ZC3H15: variants seen among roughly 807,000 people sequenced by gnomAD.
ZC3H15 encodes the protein zinc finger CCCH domain-containing protein 15.
ZC3H15 carries 15 observed loss-of-function variants against 51.2 expected under a neutral mutation model. The ratio of observed to expected loss-of-function variants is 0.29; its 90% CI spans 0.20 to 0.45. The LOEUF is 0.45. Among genes scored for constraint, ZC3H15 ranks in the 20% least tolerant of loss-of-function variants. The pLI is 1.00. For synonymous variants in ZC3H15, 144 were observed against 162.8 expected, an observed-to-expected ratio of 0.88 and a Z score of 0.88; for missense variants, 381 against 494.7, an observed-to-expected ratio of 0.77 and a Z score of 2.18.
chr2:186,498,842 T>C (rs1247931968), intron 2 of ZC3H15, among the ~76,000 whole-genome samples: 4 of 152,214 alleles, frequency 2.6e-5, no homozygotes, highest in Non-Finnish European at 1.5e-5. Flanking sequence ...AAAGTTTTAA[T>C]TGTTACCTGT....
chr2:186,498,963 G>A (rs1167409972), intron 2 of ZC3H15, among the ~76,000 whole-genome samples: 3 of 152,130 alleles, frequency 2.0e-5, no homozygotes, highest in African/African-American at 7.2e-5. Flanking sequence ...TGCTTTGTAA[G>A]CATCTTGCAC....
intron 2 of ZC3H15, among the ~76,000 whole-genome samples, chr2:186,496,748 T>TTA (rs1371050484): frequency 6.6e-6 from 1 of 152,216 alleles, no homozygotes; most frequent in Non-Finnish European, 1.5e-5. Flanking sequence ...GGCTTCTAAC[T>TTA]TATACAGCAT....
Position 186,486,277 on chromosome 2 carries a change from G to A in ZC3H15, c.-106G>A, listed in dbSNP as rs151060399. 1.2e-5 allele frequency: 15 copies of A among 1,256,890 alleles called. No individual in the cohort carries two copies. The African/African-American group carries it at 2.0e-4, about 17-fold the overall frequency. 77.9% of individuals were successfully genotyped at this position (1,256,890 alleles called of 1,614,324 possible). On this transcript the variant is annotated 5_prime_UTR_variant, in exon 1 of 10. The change creates a new upstream start codon in the 5' untranslated region. Transcript: ENST00000337859. The stretch of plus-strand genomic sequence containing the variant: ...CAATGAGCGACTCGCTTTCCGTGCG[G>A]TGCGGCGAGTGAGGCCCCGGTCTTC...
intron 1 of ZC3H15, 22 bp downstream of exon 1, chr2:186,486,479 A>G: frequency 6.6e-7 from 1 of 1,520,712 alleles, no homozygotes; most frequent in African/African-American, 1.4e-5. Flanking sequence ...CCCCTCCCCC[A>G]CTCACGCCGC....
intron 8 of ZC3H15, 73 bp downstream of exon 8, chr2:186,505,914 A>G: frequency 2.7e-6 from 4 of 1,481,110 alleles, no homozygotes; most frequent in Non-Finnish European, 3.7e-6. Context: ...CAACATGGTT[A>G]AGAGCCACCA....
intron 2 of ZC3H15, among the ~76,000 whole-genome samples, chr2:186,497,349 A>C (rs1020094463): frequency 6.6e-6 from 1 of 152,160 alleles, no homozygotes; most frequent in Non-Finnish European, 1.5e-5. Flanking sequence ...TGATTCTAGA[A>C]TCTAAAACTA....
At chr2:186,501,248 A>T (rs1685377929) in intron 3 of ZC3H15, 25 bp from the exon 4 acceptor site, 2 of 1,575,152 alleles carry the variant, frequency 1.3e-6, no homozygotes, top group Non-Finnish European at 1.7e-6. Flanking sequence ...ATTATAATAC[A>T]AATACCATAT....
chr2:186,500,339 T>C, intron 3 of ZC3H15, 46 bp downstream of exon 3: 3 of 1,436,078 alleles, frequency 2.1e-6, no homozygotes, highest in Non-Finnish European at 2.9e-6. Flanking sequence ...AAATGTAGTT[T>C]ATGCTAAAAA....
intron 8 of ZC3H15, among the ~76,000 whole-genome samples, chr2:186,506,373 G>A (rs1015826244): frequency 1.3e-5 from 2 of 152,194 alleles, no homozygotes; most frequent in African/African-American, 4.8e-5. Context: ...ATATAAAAAT[G>A]TGATGGCAGA....
intron 1 of ZC3H15, among the ~76,000 whole-genome samples, chr2:186,490,426 G>A (rs1476932105): frequency 6.6e-6 from 1 of 152,190 alleles, no homozygotes; most frequent in African/African-American, 2.4e-5. Context: ...CAGGTGTCGT[G>A]AAAGATGGAG....
rs374592750 is a variant in ZC3H15, at chr2:186,502,631, A to T, written c.534+44A>T. ...TTGAGTTGCTGTGATATTTATCATTAGGGAGAATTATGTGGCAAGGTATTT... is the reference window on the plus strand; with the variant it reads ...TTGAGTTGCTGTGATATTTATCATTTGGGAGAATTATGTGGCAAGGTATTT... On this transcript the variant is annotated intron_variant, in intron 5 of 9. Coordinates refer to ENST00000337859, the MANE Select transcript of ZC3H15 (RefSeq NM_018471.3). The T allele has an allele frequency of 8.1e-6, 12 of 1,481,560 alleles. No homozygotes were observed. The African/African-American group carries it at 1.4e-4, about 17-fold the overall frequency. 91.8% of individuals were successfully genotyped at this position (1,481,560 alleles called of 1,614,324 possible).
chr2:186,506,211 A>T (rs1278701136), intron 8 of ZC3H15: 1 of 336,066 alleles, frequency 3.0e-6, no homozygotes, highest in Non-Finnish European at 5.8e-6. Context: ...GGACAAGTGC[A>T]CTAATTTAAA....
intron 5 of ZC3H15, among the ~76,000 whole-genome samples, chr2:186,503,341 A>C (rs1264095458): frequency 6.6e-6 from 1 of 152,012 alleles, no homozygotes; most frequent in Non-Finnish European, 1.5e-5. Context: ...ATTCATTTTT[A>C]TTTAGGAAAG....
At chr2:186,507,424 T>G (rs551908368) in intron 9 of ZC3H15, 41 of 456,556 alleles carry the variant, frequency 9.0e-5, no homozygotes, top group Admixed American at 3.1e-4. Flanking sequence ...GAAGGGCTTT[T>G]TAGGATATGG....
chr2:186,487,393 T>C (rs1191842936), intron 1 of ZC3H15: 1 of 152,162 alleles, frequency 6.6e-6, no homozygotes, highest in Non-Finnish European at 1.5e-5. Flanking sequence ...CTATTAATCC[T>C]CCTCATAATT....
At chr2:186,505,384 A>G in intron 6 of ZC3H15, 67 bp from the exon 7 acceptor site, 2 of 1,482,094 alleles carry the variant, frequency 1.3e-6, no homozygotes, top group Non-Finnish European at 1.8e-6. Context: ...ACATTAAGAG[A>G]TAACTGCAAC....
intron 6 of ZC3H15, 117 bp downstream of exon 6, chr2:186,504,331 T>A: frequency 1.1e-6 from 1 of 925,176 alleles, no homozygotes; most frequent in Non-Finnish European, 1.5e-6. Flanking sequence ...TATTGTGATC[T>A]ATTCCCAAAG....
chr2:186,498,647 C>G (rs1046132556), intron 2 of ZC3H15, among the ~76,000 whole-genome samples: 3 of 152,130 alleles, frequency 2.0e-5, no homozygotes, highest in African/African-American at 4.8e-5. Context: ...TTTGGCCATT[C>G]CTTTCCTAAA....
chr2:186,508,095 C>T (rs1685496242), intron 9 of ZC3H15, among the ~76,000 whole-genome samples: 1 of 152,016 alleles, frequency 6.6e-6, no homozygotes, highest in Admixed American at 6.5e-5. Flanking sequence ...AGATTTTCTG[C>T]TGTCACAATC....
Sources: gnomAD v4.1 joint callset for allele counts (sites outside exome capture counted in the v4.1 genomes callset) on GRCh38, gnomAD v4.1.1 for gene constraint, MANE v1.5 for transcripts, NCBI Gene and HGNC (gene_info 2026-07-23, HGNC 2026-07-21) for gene names.